The following PRDM1 variants were observed in gnomAD, a reference collection of about 807,000 sequenced individuals.
The protein encoded by PRDM1 is PR/SET domain 1.
A neutral mutation model predicts 62.8 loss-of-function variants in PRDM1; 13 were observed. That is an observed-to-expected ratio of 0.21 (90% confidence interval 0.13 to 0.33). PRDM1 has a LOEUF of 0.33. PRDM1 is among the 10% of genes least tolerant of loss of function. PRDM1 has a pLI of 1.00. For missense variants in PRDM1, 895 were observed against 1,058.8 expected, an observed-to-expected ratio of 0.85 and a Z score of 2.15; for synonymous variants, 396 against 417.6, an observed-to-expected ratio of 0.95 and a Z score of 0.63.
At chr6:106,101,530 A>G (rs762570735) in intron 4 of PRDM1, among the ~76,000 whole-genome samples, 19 of 152,220 alleles carry the variant, frequency 1.2e-4, no homozygotes, top group Non-Finnish European at 2.5e-4. Context: ...ATGGTGGTTT[A>G]ACATTTTCAA....
At chr6:106,059,752 T>C (rs1477738989) in intron 1 of PRDM1, among the ~76,000 whole-genome samples, 1 of 152,114 alleles carries the variant, frequency 6.6e-6, no homozygotes, top group East Asian at 1.9e-4. Flanking sequence ...ATAGGAGTGG[T>C]AGAGATGGTG....
intron 1 of PRDM1, among the ~76,000 whole-genome samples, chr6:106,025,153 C>G (rs889723625): frequency 5.3e-5 from 8 of 152,182 alleles, no homozygotes; most frequent in African/African-American, 1.9e-4. Flanking sequence ...TGTTATCAAT[C>G]AACTTCTTTC....
intron 1 of PRDM1, among the ~76,000 whole-genome samples, chr6:106,053,897 C>G (rs1397281614): frequency 3.3e-5 from 5 of 151,494 alleles, no homozygotes; most frequent in Admixed American, 3.3e-4. Context: ...ATCCTTATCC[C>G]CTAGTTTACA....
At chr6:106,029,582 A>G (rs574603081) in intron 1 of PRDM1, among the ~76,000 whole-genome samples, 37 of 152,132 alleles carry the variant, frequency 2.4e-4, no homozygotes, top group African/African-American at 8.7e-4. Flanking sequence ...TATGGATATA[A>G]CAGTCTCTTC....
chr6:106,022,186 A>G (rs186431315), intron 1 of PRDM1, among the ~76,000 whole-genome samples: 1 of 152,344 alleles, frequency 6.6e-6, no homozygotes, highest in Non-Finnish European at 1.5e-5. Flanking sequence ...ATTCCATGCA[A>G]ATCTTCTAGA....
intron 1 of PRDM1, among the ~76,000 whole-genome samples, chr6:106,061,911 C>G (rs1190910175): frequency 1.3e-5 from 2 of 152,128 alleles, no homozygotes; most frequent in Non-Finnish European, 2.9e-5. Flanking sequence ...AGCACCATTA[C>G]AAGATATATT....
rs143800125 is a variant in PRDM1 at position 106,023,789 on chromosome 6, T to C, written c.-67+30150T>C. 4.2e-3 allele frequency among the ~76,000 whole-genome samples: 639 copies of C among 152,310 alleles called. 5 individuals are homozygous for C. The highest frequency in any genetic ancestry group is 0.014 in the African/African-American group (601 of 41,562). On this transcript the variant is annotated intron_variant, in intron 1 of 6. Transcript: ENST00000652320. The stretch of plus-strand genomic sequence containing the variant: ...GCTGATATTTGACTTGAAGTTGTTT[T>C]TCTACCTCCATTTCAAAAGTGACCA...
intron 1 of PRDM1, among the ~76,000 whole-genome samples, chr6:106,038,014 C>CTTTTTTTTCTTTTTTTTTTT (rs1772945213): frequency 4.2e-5 from 2 of 47,800 alleles, no homozygotes; most frequent in Admixed American, 3.5e-4. Flanking sequence ...CTATTTTTGT[C>CTTTTTTTTCTTTTTTTTTTT]TTTTTTTTTT....
chr6:106,080,947 GA>G (rs1773684717), intron 1 of PRDM1, among the ~76,000 whole-genome samples: 1 of 152,178 alleles, frequency 6.6e-6, no homozygotes, highest in East Asian at 1.9e-4. Flanking sequence ...CTGCTTGAAG[GA>G]AACAATGGGC....
At chr6:106,016,181 A>T (rs934332645) in intron 1 of PRDM1, among the ~76,000 whole-genome samples, 1 of 152,212 alleles carries the variant, frequency 6.6e-6, no homozygotes, top group Non-Finnish European at 1.5e-5. Context: ...GTTGAATAAT[A>T]TCCCATTGTG....
At chr6:106,049,960 T>G (rs996782371) in intron 1 of PRDM1, among the ~76,000 whole-genome samples, 2 of 152,200 alleles carry the variant, frequency 1.3e-5, no homozygotes, top group African/African-American at 2.4e-5. Flanking sequence ...CATTCTAACC[T>G]GCTGACCACT....
At chr6:106,082,389 C>T (rs1773707874), upstream of PRDM1, among the ~76,000 whole-genome samples, 1 of 152,104 alleles carries the variant, frequency 6.6e-6, no homozygotes, top group Non-Finnish European at 1.5e-5. Flanking sequence ...GGTTTCCCCA[C>T]AAGTCATCTG....
chr6:106,044,776 A>C (rs1186643337), upstream of PRDM1, among the ~76,000 whole-genome samples: 1 of 152,222 alleles, frequency 6.6e-6, no homozygotes, highest in Non-Finnish European at 1.5e-5. Flanking sequence ...ATCCACCTAG[A>C]TAAGACAAGG....
In PRDM1 at chr6:106,107,669, G is replaced by A. The variant is rs1774539208; in HGVS notation, c.*183G>A. On this transcript the variant is annotated 3_prime_UTR_variant, in exon 7 of 7. Coordinates refer to ENST00000369096, the MANE Select transcript of PRDM1 (RefSeq NM_001198.4). ...ACTGAAATCTCAGGGCATGAACAAG[G>A]CAAAGGCCATATATATATATATATA... 3 of 260,462 alleles carry A rather than the reference G, an allele frequency of 1.2e-5. No homozygotes were observed. Among genetic ancestry groups the A allele is most frequent in the South Asian group, 1.7e-4 (2 of 11,850 alleles). 16.1% of individuals were successfully genotyped at this position (260,462 alleles called of 1,614,324 possible). A position where few individuals can be genotyped will look rare whatever the true frequency, so the allele number is the denominator to read the frequency against.
chr6:106,068,856 T>C (rs1045911162), intron 1 of PRDM1, among the ~76,000 whole-genome samples: 3 of 152,260 alleles, frequency 2.0e-5, no homozygotes, highest in African/African-American at 7.2e-5. Context: ...GAATTTGGGC[T>C]GTGAACATTC....
In PRDM1 at chr6:106,105,009, T is replaced by C; in HGVS notation, c.849T>C (p.Phe283=). The part of the protein sequence containing the change: ...PLTSEKDLDD[F]RRRGSPEMPF... ...CATCAGAAAAGGACCTCGATGACTTTAGAAGACGTGGGAGCCCCGAAATGC... is the reference window on the plus strand; with the variant it reads ...CATCAGAAAAGGACCTCGATGACTTCAGAAGACGTGGGAGCCCCGAAATGC... The change falls in exon 5 of 7, where the codon TTT becomes TTC. Residue 283 remains phenylalanine (F), a synonymous_variant. Transcript: ENST00000369096. The C allele has an allele frequency of 6.2e-7, 1 of 1,614,122 alleles. No homozygotes were observed. Among genetic ancestry groups the C allele is most frequent in the Non-Finnish European group, 8.5e-7 (1 of 1,180,018 alleles).
intron 1 of PRDM1, among the ~76,000 whole-genome samples, chr6:106,065,685 T>G (rs928900746): frequency 1.3e-5 from 2 of 152,202 alleles, no homozygotes; most frequent in Non-Finnish European, 2.9e-5. Context: ...ATTATGTTAT[T>G]TGTAGTTTCT....
In PRDM1 at chr6:106,092,901, GTATCTT is replaced by G. The variant is rs1774002052; in HGVS notation, c.292-2708_292-2703del. On this transcript the variant is annotated intron_variant, in intron 2 of 6. Coordinates refer to ENST00000369096, the MANE Select transcript of PRDM1 (RefSeq NM_001198.4). ...TCCAGTTTTGAAATTTTATGATTTT[GTATCTT>G]TATCTATAGGTGTGAGTTTATATGT... Among the ~76,000 whole-genome samples the G allele has an allele frequency of 3.9e-5, 6 of 152,232 alleles. No homozygotes were observed. In the South Asian group the frequency reaches 1.2e-3, roughly 32 times the overall value.
intron 1 of PRDM1, among the ~76,000 whole-genome samples, chr6:105,996,268 A>G (rs1230360140): frequency 6.6e-6 from 1 of 152,182 alleles, no homozygotes; most frequent in Non-Finnish European, 1.5e-5. Flanking sequence ...AAATATAAGC[A>G]CAAAGATCAA....
Sources: gnomAD v4.1 joint callset for allele counts (sites outside exome capture counted in the v4.1 genomes callset) on GRCh38, gnomAD v4.1.1 for gene constraint, MANE v1.5 for transcripts, NCBI Gene and HGNC (gene_info 2026-07-23, HGNC 2026-07-21) for gene names.